ATP8A2: variants seen among roughly 807,000 people sequenced by gnomAD.
ATP8A2 encodes ATPase phospholipid transporting 8A2.
In ATP8A2, 100 loss-of-function variants were observed where a neutral mutation model predicts 165.6. That is an observed-to-expected ratio of 0.60 (90% CI 0.51 to 0.71). The LOEUF is 0.71. Among genes scored for constraint, ATP8A2 ranks in the 30% least tolerant of loss-of-function variants. The probability of loss-of-function intolerance (pLI) is 0.00; values close to 1 mark genes in which losing one functional copy is unlikely to be tolerated. For synonymous variants in ATP8A2, 543 were observed against 548.8 expected (o/e 0.99, Z 0.15); for missense variants, 1,227 against 1,479.5 (o/e 0.83, Z 2.80).
At chr13:25,583,578 G>A (rs1043355367) in intron 23 of ATP8A2, among the ~76,000 whole-genome samples, 2 of 151,996 alleles carry the variant, frequency 1.3e-5, no homozygotes, top group Non-Finnish European at 1.5e-5. Flanking sequence ...CATCCACACC[G>A]CCCGGCCCCT....
At chr13:25,778,899 T>G (rs1485549808) in intron 27 of ATP8A2, among the ~76,000 whole-genome samples, 2 of 152,190 alleles carry the variant, frequency 1.3e-5, no homozygotes, top group Admixed American at 6.5e-5. Flanking sequence ...GAATTAAAAC[T>G]GGGTTTTTAT....
chr13:25,817,703 T>G (rs1951066903), intron 27 of ATP8A2, among the ~76,000 whole-genome samples: 1 of 152,140 alleles, frequency 6.6e-6, no homozygotes, highest in African/African-American at 2.4e-5. Context: ...TTGTTTTGTT[T>G]TTTGTTTTTG....
chr13:25,838,754 G>C (rs1292866603), intron 29 of ATP8A2, among the ~76,000 whole-genome samples: 2 of 152,014 alleles, frequency 1.3e-5, no homozygotes, highest in African/African-American at 4.8e-5. Context: ...GGCTTTAATA[G>C]TTAATAACTC....
intron 2 of ATP8A2, among the ~76,000 whole-genome samples, chr13:25,515,456 G>T (rs2037437332): frequency 6.6e-6 from 1 of 152,236 alleles, no homozygotes; most frequent in South Asian, 2.1e-4. Context: ...GCAGGCCAGG[G>T]CCCTTGCTTA....
intron 27 of ATP8A2, among the ~76,000 whole-genome samples, chr13:25,802,225 G>A (rs1158292247): frequency 1.3e-5 from 2 of 152,104 alleles, no homozygotes; most frequent in Non-Finnish European, 2.9e-5. Context: ...TTACAAATAT[G>A]AACAATGAGT....
intron 33 of ATP8A2, among the ~76,000 whole-genome samples, chr13:25,937,807 A>C (rs150583027): frequency 0.45 from 64,281 of 144,014 alleles, 15,942 homozygotes; most frequent in East Asian, 0.72. Context: ...CGAGATGGCA[A>C]CACTGCACTC....
At chr13:25,665,497 G>A (rs1413553957) in intron 24 of ATP8A2, among the ~76,000 whole-genome samples, 2 of 152,072 alleles carry the variant, frequency 1.3e-5, no homozygotes, top group Non-Finnish European at 2.9e-5. Flanking sequence ...GTGCAGAGAT[G>A]GTAGGGGCAT....
intron 24 of ATP8A2, among the ~76,000 whole-genome samples, chr13:25,694,893 G>A (rs757649908): frequency 8.6e-5 from 13 of 152,012 alleles, no homozygotes; most frequent in Non-Finnish European, 1.6e-4. Flanking sequence ...CTGTTGTTTA[G>A]GCTGGTCTTG....
intron 2 of ATP8A2, among the ~76,000 whole-genome samples, chr13:25,499,396 C>G (rs2036780449): frequency 6.6e-6 from 1 of 152,218 alleles, no homozygotes; most frequent in Non-Finnish European, 1.5e-5. Flanking sequence ...GCCAGACGCA[C>G]TTGGCCCTGA....
rs147450562 is a variant in ATP8A2, at chr13:25,904,501, G to A, written c.3183+42093G>A. Reference sequence around the variant, plus strand: ...CCTCGTGTCCTGCCCCTCACCATGCGCCTCTTCCTGCCTGCCGGAAGCGCT... The same window carrying A: ...CCTCGTGTCCTGCCCCTCACCATGCACCTCTTCCTGCCTGCCGGAAGCGCT... On this transcript the variant is annotated intron_variant, in intron 33 of 36. Transcript: ENST00000381655. Among the ~76,000 whole-genome samples, 348 of 152,238 alleles carry A rather than the reference G, an allele frequency of 2.3e-3. 6 individuals carry two copies. In the East Asian group the frequency reaches 0.057, roughly 25 times the overall value.
intron 35 of ATP8A2, among the ~76,000 whole-genome samples, chr13:25,998,663 C>T (rs761231341): frequency 3.9e-5 from 6 of 152,188 alleles, no homozygotes; most frequent in Admixed American, 3.9e-4. Flanking sequence ...ACAAGCCTCT[C>T]TTCTCTCCAG....
Position 26,024,575 on chromosome 13 carries a change from G to C in ATP8A2, c.*4590G>C, listed in dbSNP as rs960517215. 2 of 152,240 alleles carry C rather than the reference G, an allele frequency of 1.3e-5. No homozygotes were observed. Among genetic ancestry groups the C allele is most frequent in the African/African-American group, 4.8e-5 (2 of 41,464 alleles). 9.4% of individuals were successfully genotyped at this position (152,240 alleles called of 1,614,324 possible). A position where few individuals can be genotyped will look rare whatever the true frequency, so the allele number is the denominator to read the frequency against. ...GGCGAGCTCCCCCGCGCCGCACCCC[G>C]TGTATAATCCAGTGTTAACCTCTGA... On this transcript the variant is annotated 3_prime_UTR_variant, in exon 37 of 37. Coordinates refer to ENST00000381655, the MANE Select transcript of ATP8A2 (RefSeq NM_016529.6).
Position 25,897,547 on chromosome 13 carries a change from G to A in ATP8A2, c.3183+35139G>A, listed in dbSNP as rs151028484. ...TCTTCTCAAGGAGTATCTTTGTGGC[G>A]TTCTCTGTATTTCCTGAATTTGAAT... On this transcript the variant is annotated intron_variant, in intron 33 of 36. Coordinates refer to ENST00000381655, the MANE Select transcript of ATP8A2 (RefSeq NM_016529.6). Among the ~76,000 whole-genome samples the A allele has an allele frequency of 7.8e-4, 118 of 152,204 alleles. 1 individual carries two copies. Among genetic ancestry groups the A allele is most frequent in the African/African-American group, 2.7e-3 (110 of 41,496 alleles).
chr13:25,753,709 G>A (rs994607226), intron 25 of ATP8A2, among the ~76,000 whole-genome samples: 4 of 152,186 alleles, frequency 2.6e-5, no homozygotes, highest in African/African-American at 7.2e-5. Flanking sequence ...GGAACTGGCA[G>A]CCACATGACA....
At chr13:25,912,922 G>A (rs992651952) in intron 33 of ATP8A2, among the ~76,000 whole-genome samples, 1 of 152,154 alleles carries the variant, frequency 6.6e-6, no homozygotes, top group African/African-American at 2.4e-5. Context: ...GCAGTGCGTT[G>A]GTCAACTGAG....
At chr13:25,727,222 A>G (rs1474009841) in intron 25 of ATP8A2, among the ~76,000 whole-genome samples, 1 of 152,166 alleles carries the variant, frequency 6.6e-6, no homozygotes. Flanking sequence ...TAAATAATCA[A>G]GCTTAACCTT....
At chr13:25,668,310 A>C (rs1311577892) in intron 24 of ATP8A2, among the ~76,000 whole-genome samples, 1 of 152,058 alleles carries the variant, frequency 6.6e-6, no homozygotes, top group Non-Finnish European at 1.5e-5. Flanking sequence ...ATTTTTGGTT[A>C]AGTTTTTTTT....
At chr13:25,667,179 T>C (rs751918705) in intron 24 of ATP8A2, among the ~76,000 whole-genome samples, 1 of 152,200 alleles carries the variant, frequency 6.6e-6, no homozygotes, top group Non-Finnish European at 1.5e-5. Flanking sequence ...GTCTGTTTTC[T>C]GTCTCTATGG....
chr13:25,657,861 C>T (rs1315945411), intron 24 of ATP8A2, among the ~76,000 whole-genome samples: 1 of 152,182 alleles, frequency 6.6e-6, no homozygotes. Flanking sequence ...CAAATGAAAC[C>T]TGGCCCAGAA....
Sources: allele counts gnomAD v4.1 joint callset (sites outside exome capture counted in the v4.1 genomes callset), GRCh38; gene constraint gnomAD v4.1.1; transcripts MANE v1.5; gene names NCBI Gene and HGNC (gene_info 2026-07-23, HGNC 2026-07-21).